The following ATXN7L3 variants were observed in gnomAD, a reference collection of about 807,000 sequenced individuals.
The protein encoded by ATXN7L3 is ataxin 7 like 3.
A neutral mutation model predicts 50.0 loss-of-function variants in ATXN7L3; 6 were observed. The observed-to-expected ratio is 0.12, with a 90% confidence interval of 0.07 to 0.24. The LOEUF (loss-of-function observed/expected upper bound fraction) is 0.24. Among genes scored for constraint, ATXN7L3 ranks in the 10% least tolerant of loss-of-function variants. ATXN7L3 has a pLI of 1.00. For synonymous variants in ATXN7L3, 198 were observed against 165.8 expected (o/e 1.19, Z -1.49); for missense variants, 322 against 451.3 (o/e 0.71, Z 2.60).
chr17:44,198,101 C>T lies in ATXN7L3; in HGVS notation c.-31G>A. ...AACTCTTGTGGAGACGGCGCTCTGA[C>T]TGCTCATAGCACAGCGGGCGGCAAC... On this transcript the variant is annotated 5_prime_UTR_variant, in exon 2 of 13. Transcript: ENST00000587097. The T allele has an allele frequency of 3.1e-6, 5 of 1,609,712 alleles. No homozygotes were observed. Among genetic ancestry groups the T allele is most frequent in the Non-Finnish European group, 4.2e-6 (5 of 1,176,548 alleles).
At chr17:44,194,968 G>A in intron 10 of ATXN7L3, 129 bp from the exon 11 acceptor site, 2 of 1,465,578 alleles carry the variant, frequency 1.4e-6, no homozygotes, top group African/African-American at 1.4e-5. Context: ...TGTGGCCAAA[G>A]GCCTCATCAT....
At chr17:44,197,517 T>C in intron 3 of ATXN7L3, 81 bp downstream of exon 3, 1 of 1,604,984 alleles carries the variant, frequency 6.2e-7, no homozygotes, top group Non-Finnish European at 8.5e-7. Flanking sequence ...AGGTGCTACA[T>C]CTAGCACAGT....
Position 44,194,154 on chromosome 17 carries a change from CT to C in ATXN7L3, c.*108del. 6.9e-7 allele frequency: 1 copy of C among 1,444,604 alleles called. No individual in the cohort carries two copies. The highest frequency in any genetic ancestry group is 9.3e-7 in the Non-Finnish European group (1 of 1,073,016). 89.5% of individuals were successfully genotyped at this position (1,444,604 alleles called of 1,614,324 possible). A position where few individuals can be genotyped will look rare whatever the true frequency, so the allele number is the denominator to read the frequency against. On this transcript the variant is annotated 3_prime_UTR_variant, in exon 13 of 13. Coordinates refer to ENST00000587097, the MANE Select transcript of ATXN7L3 (RefSeq NM_001382309.1). ...TCCTCTGCCTGCCTGGCCCACCAAG[CT>C]TCCCAAGCCCCAACCCCCAGCAGCC... is the stretch of plus-strand genomic sequence containing the variant.
intron 5 of ATXN7L3, 112 bp from the exon 6 acceptor site, chr17:44,196,530 A>G: frequency 7.1e-7 from 1 of 1,417,324 alleles, no homozygotes; most frequent in Middle Eastern, 1.8e-4. Flanking sequence ...CTGTAATCCC[A>G]GCACTTTGGG....
intron 11 of ATXN7L3, 41 bp from the exon 12 acceptor site, chr17:44,194,715 G>A: frequency 1.2e-6 from 2 of 1,613,438 alleles, no homozygotes; most frequent in African/African-American, 1.3e-5. Flanking sequence ...TAGAGATAGT[G>A]ATCATCGCCC....
chr17:44,197,932 C>T (rs879112016), intron 2 of ATXN7L3, 88 bp downstream of exon 2: 1 of 1,545,954 alleles, frequency 6.5e-7, no homozygotes. Context: ...GGCTGACTAC[C>T]CAAATTCCTC....
At chr17:44,195,354 CT>C in intron 9 of ATXN7L3, 64 bp downstream of exon 9, 1 of 1,539,568 alleles carries the variant, frequency 6.5e-7, no homozygotes, top group South Asian at 1.1e-5. Flanking sequence ...CCTCCCAGGC[CT>C]TGACCACTGC....
Position 44,195,061 on chromosome 17 carries a change from G to A in ATXN7L3, c.665+36C>T, listed in dbSNP as rs1365122471. 1.9e-6 allele frequency: 3 copies of A among 1,611,704 alleles called. No individual in the cohort carries two copies. In the Admixed American group the frequency reaches 5.0e-5, roughly 27 times the overall value. ...ACCCATGCCCATGGTGAGTGTGCAG[G>A]AAGCGCCTGGCCCCCTTTCTAGGTT... On this transcript the variant is annotated intron_variant, in intron 10 of 12. Transcript: ENST00000587097.
At chr17:44,196,830 C>A in intron 5 of ATXN7L3, 99 bp downstream of exon 5, 1 of 703,262 alleles carries the variant, frequency 1.4e-6, no homozygotes, top group Non-Finnish European at 2.5e-6. Flanking sequence ...TACACTCTCT[C>A]TTCATCATTC....
chr17:44,196,890 A>G (rs2055924134), intron 5 of ATXN7L3, 39 bp downstream of exon 5: 2 of 1,496,756 alleles, frequency 1.3e-6, no homozygotes, highest in Admixed American at 1.7e-5. Flanking sequence ...TTCCCACCTC[A>G]TCCCAATGCC....
chr17:44,199,397 G>C (rs990875153), intron 1 of ATXN7L3, 99 bp downstream of exon 1: 1 of 148,522 alleles, frequency 6.7e-6, no homozygotes, highest in Non-Finnish European at 1.5e-5. Flanking sequence ...CGCTGACCCA[G>C]ACCTGGGGGG....
intron 1 of ATXN7L3, chr17:44,198,966 G>C (rs2056032284): frequency 6.5e-6 from 1 of 152,706 alleles, no homozygotes; most frequent in Non-Finnish European, 1.5e-5. Flanking sequence ...GGCCTAGAGT[G>C]GGGTGGGGAC....
In ATXN7L3 at chr17:44,198,058, C is replaced by T. The variant is rs777429157; in HGVS notation, c.13G>A (p.Glu5Lys). The T allele has an allele frequency of 6.8e-6, 11 of 1,614,018 alleles. No individual in the cohort carries two copies. The highest frequency in any genetic ancestry group is 8.5e-6 in the Non-Finnish European group (10 of 1,180,006). Reference protein sequence around the residue: MKMEEMSLSGLDNSK... With the variant: MKMEKMSLSGLDNSK... Reference sequence around the variant, plus strand: ...TTATCCAGGCCAGACAAAGACATTTCCTCCATTTTCATTTGTAAACTCTTG... The same window carrying T: ...TTATCCAGGCCAGACAAAGACATTTTCTCCATTTTCATTTGTAAACTCTTG... The change falls in exon 2 of 13, where the codon GAA becomes AAA. Residue 5 changes from glutamate to lysine, a missense_variant. Physicochemically the swap from Glu to Lys is moderately conservative, Grantham distance 56 (BLOSUM62 1). Transcript: ENST00000587097.
At chr17:44,196,106 G>C (rs750099418) in intron 6 of ATXN7L3, 27 bp from the exon 7 acceptor site, 1 of 1,610,662 alleles carries the variant, frequency 6.2e-7, no homozygotes, top group South Asian at 1.1e-5. Context: ...CATAGCTTTG[G>C]GGAAAGGGTA....
At chr17:44,197,849 C>T (rs2055972038) in intron 2 of ATXN7L3, 119 bp from the exon 3 acceptor site, 3 of 1,543,486 alleles carry the variant, frequency 1.9e-6, no homozygotes, top group East Asian at 2.3e-5. Flanking sequence ...CCATTTTCCC[C>T]ATCTTGACTT....
rs557844724 is a variant in ATXN7L3, at chr17:44,195,955, C to T, written c.523+79G>A. The T allele has an allele frequency of 3.4e-5, 54 of 1,565,812 alleles. No individual in the cohort carries two copies. The African/African-American group carries it at 5.6e-4, about 16-fold the overall frequency. On this transcript the variant is annotated intron_variant, in intron 7 of 12. Transcript: ENST00000587097. ...GGCCCTCCCTCAATTCCCCTATCCC[C>T]GGGCCCCACCTCCACCCCCCGGCAA...
rs369540040 is a variant in ATXN7L3, at chr17:44,198,045, G to A, written c.26C>T (p.Ser9Phe). The A allele has an allele frequency of 6.2e-7, 1 of 1,614,138 alleles. No homozygotes were observed. Among genetic ancestry groups the A allele is most frequent in the Non-Finnish European group, 8.5e-7 (1 of 1,179,992 alleles). MKMEEMSL[S>F]GLDNSKLEAI... ...CTCTAGTTTGCTGTTATCCAGGCCA[G>A]ACAAAGACATTTCCTCCATTTTCAT... Residue 9 changes from serine (S) to phenylalanine (F), a missense_variant, in exon 2 of 13, where the codon TCT becomes TTT. Physicochemically the swap from Ser to Phe is radical, Grantham distance 155 (BLOSUM62 -2). This residue lies in a region of ATXN7L3 where 33 missense variants were observed against 35.1 expected (regional missense o/e 0.94). Coordinates refer to ENST00000587097, the MANE Select transcript of ATXN7L3 (RefSeq NM_001382309.1).
chr17:44,194,064 T>C lies in ATXN7L3; in HGVS notation c.*199A>G. Reference sequence around the variant, plus strand: ...GCATAATATGTCCAGGTCTGAGTCCTGCACGCCGAGGAGTCGTGCTCCATT... The same window carrying C: ...GCATAATATGTCCAGGTCTGAGTCCCGCACGCCGAGGAGTCGTGCTCCATT... On this transcript the variant is annotated 3_prime_UTR_variant, in exon 13 of 13. Coordinates refer to ENST00000587097, the MANE Select transcript of ATXN7L3 (RefSeq NM_001382309.1). 3.1e-6 allele frequency: 2 copies of C among 654,670 alleles called. No homozygotes were observed. The highest frequency in any genetic ancestry group is 5.2e-6 in the Non-Finnish European group (2 of 385,556). The allele number at this position is 654,670 out of a possible 1,614,324, so 40.6% of individuals were successfully genotyped here. A position where few individuals can be genotyped will look rare whatever the true frequency, so the allele number is the denominator to read the frequency against.
chr17:44,196,019 T>G lies in ATXN7L3; in HGVS notation c.523+15A>C. ...ACACAGCTAGAAGCATTCCCATTGC[T>G]CCGGCTCCACTTACCATTTTTGTGT... On this transcript the variant is annotated intron_variant, in intron 7 of 12. Transcript: ENST00000587097. 6.2e-7 allele frequency: 1 copy of G among 1,607,738 alleles called. No individual in the cohort carries two copies. Among genetic ancestry groups the G allele is most frequent in the Non-Finnish European group, 8.5e-7 (1 of 1,174,782 alleles).
Sources: gnomAD v4.1 joint callset for allele counts on GRCh38, gnomAD v4.1.1 for gene constraint, gnomAD v4.1.1 regional missense constraint, MANE v1.5 for transcripts, NCBI Gene and HGNC (gene_info 2026-07-23, HGNC 2026-07-21) for gene names.